The following SLCO1B3 variants were observed in gnomAD, a reference collection of about 807,000 sequenced individuals.
SLCO1B3 encodes liver-specific organic anion transporter 2.
SLCO1B3 carries 72 observed loss-of-function variants against 71.8 expected under a neutral mutation model. The ratio of observed to expected loss-of-function variants is 1.00; its 90% CI spans 0.83 to 1.22. SLCO1B3 has a LOEUF of 1.22. Among genes scored for constraint, SLCO1B3 ranks in the 50% most tolerant of loss-of-function variants. The pLI is 0.00. For missense variants in SLCO1B3, 911 were observed against 819.7 expected (o/e 1.11, Z -1.36); for synonymous variants, 298 against 278.4 (o/e 1.07, Z -0.70).
At chr12:20,910,994 A>G (rs1005378144) in intron 15 of SLCO1B3, among the ~76,000 whole-genome samples, 2 of 152,012 alleles carry the variant, frequency 1.3e-5, no homozygotes, top group Non-Finnish European at 2.9e-5. Context: ...GTTGAAAATT[A>G]ATGGTGAAAA....
intron 15 of SLCO1B3, chr12:20,902,257 A>G (rs1866145656): frequency 6.0e-6 from 1 of 165,394 alleles, no homozygotes; most frequent in African/African-American, 2.4e-5. Flanking sequence ...GCTTTCTACA[A>G]TGACAGAACT....
intron 3 of SLCO1B3, among the ~76,000 whole-genome samples, chr12:20,834,628 C>T (rs771205542): frequency 3.3e-5 from 5 of 151,952 alleles, no homozygotes; most frequent in African/African-American, 4.8e-5. Context: ...CTCTGGCAAA[C>T]ATCAGTGCTC....
chr12:20,828,684 A>G (rs1334463204), intron 3 of SLCO1B3, among the ~76,000 whole-genome samples: 2 of 151,196 alleles, frequency 1.3e-5, no homozygotes, highest in Admixed American at 1.3e-4. Context: ...CACATCTTGG[A>G]TATTAGCTTT....
intron 13 of SLCO1B3, among the ~76,000 whole-genome samples, chr12:20,894,220 G>C (rs569790448): frequency 6.6e-6 from 1 of 152,274 alleles, no homozygotes; most frequent in South Asian, 2.1e-4. Flanking sequence ...TTCATCCTGA[G>C]AGAGGTGCCA....
intron 3 of SLCO1B3, among the ~76,000 whole-genome samples, chr12:20,825,626 A>G (rs1396413664): frequency 6.6e-6 from 1 of 151,798 alleles, no homozygotes; most frequent in Admixed American, 6.6e-5. Flanking sequence ...TGAAACCCAG[A>G]CTCTATTAAT....
At chr12:20,852,756 AC>A (rs1367347726) in intron 3 of SLCO1B3, among the ~76,000 whole-genome samples, 1 of 152,108 alleles carries the variant, frequency 6.6e-6, no homozygotes, top group African/African-American at 2.4e-5. Flanking sequence ...GCATAGAAAC[AC>A]TTCTTAATTT....
intron 15 of SLCO1B3, chr12:20,901,888 T>G (rs1463970477): frequency 4.5e-6 from 2 of 439,642 alleles, no homozygotes; most frequent in Non-Finnish European, 4.5e-6. Context: ...TTCATTACTC[T>G]TCTATTCATA....
intron 12 of SLCO1B3, among the ~76,000 whole-genome samples, chr12:20,883,138 G>A (rs954357205): frequency 2.0e-5 from 3 of 152,094 alleles, no homozygotes; most frequent in Non-Finnish European, 4.4e-5. Context: ...GCCAAAGAGA[G>A]TAAGAATGTG....
intron 8 of SLCO1B3, 70 bp from the exon 9 acceptor site, chr12:20,875,165 T>C: frequency 6.5e-7 from 1 of 1,543,264 alleles, no homozygotes; most frequent in South Asian, 1.2e-5. Flanking sequence ...GCAATCATTA[T>C]CATTATTTCC....
intron 3 of SLCO1B3, among the ~76,000 whole-genome samples, chr12:20,841,757 C>G (rs1444883122): frequency 6.6e-6 from 1 of 152,000 alleles, no homozygotes; most frequent in Non-Finnish European, 1.5e-5. Flanking sequence ...GCCTCAGCAT[C>G]TATTGTTCAC....
intron 3 of SLCO1B3, among the ~76,000 whole-genome samples, chr12:20,846,153 A>G (rs1424690166): frequency 2.6e-5 from 4 of 152,000 alleles, no homozygotes; most frequent in South Asian, 2.1e-4. Context: ...CATTCACTAT[A>G]TTTTCATTTA....
At chr12:20,914,501 T>C (rs1866452714) in intron 15 of SLCO1B3, among the ~76,000 whole-genome samples, 1 of 152,054 alleles carries the variant, frequency 6.6e-6, no homozygotes, top group South Asian at 2.1e-4. Context: ...ATGTATATTA[T>C]ATATAATTAA....
intron 3 of SLCO1B3, among the ~76,000 whole-genome samples, chr12:20,817,520 A>G (rs1201524941): frequency 3.3e-5 from 5 of 151,996 alleles, no homozygotes; most frequent in Non-Finnish European, 7.4e-5. Context: ...TGGGTTCTCT[A>G]TTCTGATTCA....
At chr12:20,907,672 C>T (rs76871091) in intron 15 of SLCO1B3, among the ~76,000 whole-genome samples, 6,029 of 151,564 alleles carry the variant, frequency 0.04, 198 homozygotes, top group East Asian at 0.15. Context: ...TTACGGCAGG[C>T]TAATTTTTTT....
intron 4 of SLCO1B3, among the ~76,000 whole-genome samples, chr12:20,857,006 GC>G (rs1300554351): frequency 1.3e-5 from 2 of 152,068 alleles, no homozygotes; most frequent in Non-Finnish European, 1.5e-5. Context: ...TATTTTCTAA[GC>G]CCTTGCCTGT....
At chr12:20,911,394 C>T (rs184847034) in intron 15 of SLCO1B3, among the ~76,000 whole-genome samples, 1 of 152,144 alleles carries the variant, frequency 6.6e-6, no homozygotes, top group African/African-American at 2.4e-5. Context: ...ATGTATCGCT[C>T]TGTAGTTTTC....
At chr12:20,871,681 G>T (rs1381433654) in intron 8 of SLCO1B3, among the ~76,000 whole-genome samples, 1 of 152,086 alleles carries the variant, frequency 6.6e-6, no homozygotes, top group Non-Finnish European at 1.5e-5. Flanking sequence ...GGATTATTAG[G>T]CAGAGACTCT....
intron 6 of SLCO1B3, 111 bp from the exon 7 acceptor site, chr12:20,862,301 T>G: frequency 8.1e-7 from 1 of 1,232,570 alleles, no homozygotes; most frequent in East Asian, 2.6e-5. Context: ...TCACTTGTAA[T>G]TAGGAAACAA....
At chr12:20,858,366 A>G (rs1565591562) in intron 4 of SLCO1B3, 73 bp from the exon 5 acceptor site, 4 of 1,099,562 alleles carry the variant, frequency 3.6e-6, no homozygotes, top group Non-Finnish European at 5.4e-6. Flanking sequence ...ATTTGCATTC[A>G]TTTGGGGCAT....
Sources: gnomAD v4.1 joint callset for allele counts (sites outside exome capture counted in the v4.1 genomes callset) on GRCh38, gnomAD v4.1.1 for gene constraint, MANE v1.5 for transcripts, NCBI Gene and HGNC (gene_info 2026-07-23, HGNC 2026-07-21) for gene names.